The following MGAT4C variants were observed in gnomAD, a reference collection of about 807,000 sequenced individuals.
MGAT4C encodes the protein alpha-1,3-mannosyl-glycoprotein 4-beta-N-acetylglucosaminyltransferase C.
Under a neutral mutation model 40.1 loss-of-function variants are expected in MGAT4C, and 19 were observed. That is an observed-to-expected ratio of 0.47 (90% CI 0.33 to 0.70). The LOEUF (loss-of-function observed/expected upper bound fraction) is 0.70, where lower values mean the gene tolerates loss of function less well. Ranked by LOEUF, MGAT4C falls within the 30% of genes least tolerant of loss-of-function variation. The pLI is 0.02. For synonymous variants in MGAT4C, 181 were observed against 187.1 expected, an observed-to-expected ratio of 0.97 and a Z score of 0.27; for missense variants, 491 against 563.2, an observed-to-expected ratio of 0.87 and a Z score of 1.30.
chr12:86,452,491 C>G (rs1481160855), intron 2 of MGAT4C, among the ~76,000 whole-genome samples: 4 of 151,720 alleles, frequency 2.6e-5, no homozygotes, highest in Non-Finnish European at 4.4e-5. Context: ...TTTGTAGCAG[C>G]TATTTTCTTC....
chr12:86,511,199 G>A (rs1336999942), intron 2 of MGAT4C, among the ~76,000 whole-genome samples: 1 of 151,522 alleles, frequency 6.6e-6, no homozygotes, highest in Non-Finnish European at 1.5e-5. Flanking sequence ...ACTCAAAACC[G>A]CTCAACTACA....
chr12:86,771,829 T>C (rs1163067053), intron 1 of MGAT4C, among the ~76,000 whole-genome samples: 1 of 152,050 alleles, frequency 6.6e-6, no homozygotes, highest in African/African-American at 2.4e-5. Context: ...ACCTTTGTTA[T>C]ACAGTAATGC....
intron 2 of MGAT4C, among the ~76,000 whole-genome samples, chr12:86,495,789 T>G (rs1958224925): frequency 6.6e-6 from 1 of 152,020 alleles, no homozygotes; most frequent in Non-Finnish European, 1.5e-5. Flanking sequence ...CCTTCCTCAG[T>G]AACTCATAAT....
intron 3 of MGAT4C, among the ~76,000 whole-genome samples, chr12:86,360,007 GCT>G (rs1955422657): frequency 1.3e-5 from 2 of 152,104 alleles, no homozygotes; most frequent in Non-Finnish European, 2.9e-5. Context: ...TGATACCAAA[GCT>G]GGGCAGAGAC....
chr12:86,417,275 T>C (rs914210961), intron 3 of MGAT4C, among the ~76,000 whole-genome samples: 1 of 152,106 alleles, frequency 6.6e-6, no homozygotes, highest in Non-Finnish European at 1.5e-5. Flanking sequence ...TTATATTAAA[T>C]AACATGACCA....
intron 1 of MGAT4C, among the ~76,000 whole-genome samples, chr12:86,234,625 A>G (rs1368470822): frequency 6.6e-6 from 1 of 152,178 alleles, no homozygotes; most frequent in Non-Finnish European, 1.5e-5. Context: ...CTCATACATC[A>G]GTGCAAAGCT....
At chr12:86,047,724 A>C (rs1892532141) in intron 2 of MGAT4C, among the ~76,000 whole-genome samples, 1 of 152,064 alleles carries the variant, frequency 6.6e-6, no homozygotes, top group Non-Finnish European at 1.5e-5. Flanking sequence ...AAGCAAAACT[A>C]AGAACTTATC....
intron 2 of MGAT4C, among the ~76,000 whole-genome samples, chr12:86,435,786 A>G (rs929798111): frequency 6.6e-6 from 1 of 151,926 alleles, no homozygotes; most frequent in Non-Finnish European, 1.5e-5. Context: ...GTTTCATTAA[A>G]TATTCCACTG....
chr12:86,335,739 T>C (rs1293541278), intron 3 of MGAT4C, among the ~76,000 whole-genome samples: 2 of 152,148 alleles, frequency 1.3e-5, no homozygotes, highest in Non-Finnish European at 2.9e-5. Context: ...AACTAGAATT[T>C]CTATACATCT....
At chr12:86,006,491 T>G (rs1353574946) in intron 2 of MGAT4C, among the ~76,000 whole-genome samples, 1 of 152,168 alleles carries the variant, frequency 6.6e-6, no homozygotes, top group Non-Finnish European at 1.5e-5. Flanking sequence ...ACTTGTTTTG[T>G]TCAATGGAAA....
At chr12:86,110,235 C>G (rs1348961184) in intron 1 of MGAT4C, among the ~76,000 whole-genome samples, 1 of 35,598 alleles carries the variant, frequency 2.8e-5, no homozygotes, top group Non-Finnish European at 6.4e-5. Context: ...ATGATTCTAC[C>G]TCTGTAAAAC....
At chr12:86,821,837 G>A (rs966356718) in intron 1 of MGAT4C, among the ~76,000 whole-genome samples, 20 of 150,798 alleles carry the variant, frequency 1.3e-4, no homozygotes, top group African/African-American at 4.8e-4. Flanking sequence ...GTCTTTTTTG[G>A]TTTGGAGATA....
At chr12:86,827,955 T>A (rs1407236204) in intron 1 of MGAT4C, among the ~76,000 whole-genome samples, 6 of 151,460 alleles carry the variant, frequency 4.0e-5, no homozygotes, top group Non-Finnish European at 8.9e-5. Context: ...GTCTAACTTA[T>A]AATTAGCCTC....
chr12:86,710,741 G>A (rs1053184928), intron 2 of MGAT4C, among the ~76,000 whole-genome samples: 1 of 152,166 alleles, frequency 6.6e-6, no homozygotes, highest in Admixed American at 6.5e-5. Context: ...GCACACAAAT[G>A]TTTATAGCAG....
intron 2 of MGAT4C, among the ~76,000 whole-genome samples, chr12:86,610,418 T>C (rs905758087): frequency 1.3e-5 from 2 of 152,166 alleles, no homozygotes; most frequent in East Asian, 3.9e-4. Flanking sequence ...CATGCAAATA[T>C]AAAGCTAAAC....
chr12:86,177,391 A>G (rs1260357257), intron 1 of MGAT4C, among the ~76,000 whole-genome samples: 1 of 152,040 alleles, frequency 6.6e-6, no homozygotes, highest in East Asian at 1.9e-4. Flanking sequence ...CATTTAATAG[A>G]ATAACAAGAA....
At chr12:86,524,921 T>TA (rs1179777453) in intron 2 of MGAT4C, among the ~76,000 whole-genome samples, 2 of 152,324 alleles carry the variant, frequency 1.3e-5, no homozygotes, top group East Asian at 3.9e-4. Flanking sequence ...TCAGATCAGT[T>TA]ACATTGTTTT....
At chr12:86,831,186 A>AT (rs1952920558) in intron 1 of MGAT4C, among the ~76,000 whole-genome samples, 1 of 151,736 alleles carries the variant, frequency 6.6e-6, no homozygotes, top group Non-Finnish European at 1.5e-5. Flanking sequence ...TCTCATAAAG[A>AT]TATCCATTTT....
chr12:86,697,409 T>A (rs1950278099), intron 2 of MGAT4C, among the ~76,000 whole-genome samples: 1 of 152,052 alleles, frequency 6.6e-6, no homozygotes, highest in Non-Finnish European at 1.5e-5. Flanking sequence ...TAAATTTTTC[T>A]AAGTCTAAAT....
Sources: gnomAD v4.1 joint callset for allele counts (sites outside exome capture counted in the v4.1 genomes callset) on GRCh38, gnomAD v4.1.1 for gene constraint, MANE v1.5 for transcripts, NCBI Gene and HGNC (gene_info 2026-07-23, HGNC 2026-07-21) for gene names.